Variants in PLXDC2 observed in about 807,000 individuals in gnomAD.
PLXDC2 encodes the protein plexin domain-containing protein 2.
A neutral mutation model predicts 68.9 loss-of-function variants in PLXDC2; 40 were observed. The ratio of observed to expected loss-of-function variants is 0.58; its 90% CI spans 0.45 to 0.76. The LOEUF (loss-of-function observed/expected upper bound fraction) is 0.76, where lower values mean the gene tolerates loss of function less well. PLXDC2 is among the 30% of genes least tolerant of loss of function. The pLI, the probability that PLXDC2 is intolerant of heterozygous loss-of-function variation, is 0.00. For missense variants in PLXDC2, 644 were observed against 661.9 expected, an observed-to-expected ratio of 0.97 and a Z score of 0.30; for synonymous variants, 243 against 234.2, an observed-to-expected ratio of 1.04 and a Z score of -0.34.
intron 1 of PLXDC2, among the ~76,000 whole-genome samples, chr10:19,970,473 C>T (rs895398227): frequency 6.6e-6 from 1 of 152,112 alleles, no homozygotes; most frequent in Non-Finnish European, 1.5e-5. Flanking sequence ...GAACTTAAGC[C>T]TTCTATATAT....
At chr10:19,968,918 G>C (rs1834306770) in intron 1 of PLXDC2, among the ~76,000 whole-genome samples, 1 of 152,158 alleles carries the variant, frequency 6.6e-6, no homozygotes, top group African/African-American at 2.4e-5. Flanking sequence ...GGTGGCAAAA[G>C]TTCCCTGGGG....
intron 9 of PLXDC2, among the ~76,000 whole-genome samples, chr10:20,178,999 A>G (rs1461300257): frequency 1.3e-5 from 2 of 152,168 alleles, no homozygotes; most frequent in East Asian, 1.9e-4. Flanking sequence ...CATAAAGATT[A>G]TATGCATATC....
intron 12 of PLXDC2, among the ~76,000 whole-genome samples, chr10:20,229,368 G>T (rs1470275674): frequency 6.6e-6 from 1 of 152,116 alleles, no homozygotes; most frequent in Non-Finnish European, 1.5e-5. Context: ...GCCAACTGCT[G>T]ATGTGTAAAA....
chr10:19,891,977 A>T (rs949171133), intron 1 of PLXDC2, among the ~76,000 whole-genome samples: 2 of 152,182 alleles, frequency 1.3e-5, no homozygotes, highest in Non-Finnish European at 2.9e-5. Context: ...TTGCTTATTT[A>T]TAGAAAAAAG....
At chr10:19,944,213 C>T (rs548150216) in intron 1 of PLXDC2, among the ~76,000 whole-genome samples, 16 of 152,174 alleles carry the variant, frequency 1.1e-4, no homozygotes, top group African/African-American at 3.9e-4. Flanking sequence ...AAGGTATAAT[C>T]CCACTGAGAA....
chr10:20,014,980 A>G (rs1334887697), intron 2 of PLXDC2, among the ~76,000 whole-genome samples: 1 of 152,124 alleles, frequency 6.6e-6, no homozygotes, highest in Non-Finnish European at 1.5e-5. Context: ...TTTTCTATTG[A>G]CTTTTTAAAT....
At position 19,990,961 on chromosome 10, in the gene PLXDC2, T is replaced by C. The variant is rs561494078; in HGVS notation, c.113-10814T>C. On this transcript the variant is annotated intron_variant, in intron 1 of 13. Coordinates refer to ENST00000377252, the MANE Select transcript of PLXDC2 (RefSeq NM_032812.9). ...GAGTGAAATAGTATTGAAAGTATGA[T>C]TCAGGCCGGGCATGATGGCTCATGC... Among the ~76,000 whole-genome samples the C allele has an allele frequency of 3.9e-5, 6 of 152,244 alleles. 1 individual carries two copies. Among genetic ancestry groups the C allele is most frequent in the African/African-American group, 1.4e-4 (6 of 41,552 alleles).
intron 4 of PLXDC2, among the ~76,000 whole-genome samples, chr10:20,110,346 G>C (rs1428849466): frequency 6.6e-6 from 1 of 152,150 alleles, no homozygotes; most frequent in Non-Finnish European, 1.5e-5. Context: ...GTGAATGACA[G>C]ACAGTACCAC....
intron 1 of PLXDC2, among the ~76,000 whole-genome samples, chr10:19,896,050 C>A (rs557184551): frequency 1.3e-5 from 2 of 152,318 alleles, no homozygotes; most frequent in African/African-American, 4.8e-5. Context: ...CTTTCACTTT[C>A]CTTCACTCCA....
chr10:20,119,881 T>C (rs1315814649), intron 4 of PLXDC2, among the ~76,000 whole-genome samples: 1 of 151,916 alleles, frequency 6.6e-6, no homozygotes, highest in African/African-American at 2.4e-5. Flanking sequence ...ATTGAAAAAC[T>C]AAATAGAATA....
Position 20,175,288 on chromosome 10 carries a change from G to A in PLXDC2, c.884-1711G>A, listed in dbSNP as rs569176221. 3.2e-4 allele frequency among the ~76,000 whole-genome samples: 48 copies of A among 152,226 alleles called. 1 individual carries two copies. In the South Asian group the frequency reaches 8.9e-3, roughly 28 times the overall value. The stretch of plus-strand genomic sequence containing the variant: ...GCTATTATCCCTGTTTTATAGATAA[G>A]GAAACTGAGGCACAGAAAAGCTAGC... On this transcript the variant is annotated intron_variant, in intron 7 of 13. Coordinates refer to ENST00000377252, the MANE Select transcript of PLXDC2 (RefSeq NM_032812.9).
At chr10:20,277,084 C>T (rs1319166949) in intron 13 of PLXDC2, among the ~76,000 whole-genome samples, 2 of 151,824 alleles carry the variant, frequency 1.3e-5, no homozygotes, top group African/African-American at 4.8e-5. Context: ...TGGTGGGCGG[C>T]TGTAATCCCA....
chr10:19,870,878 A>G (rs1234924417), intron 1 of PLXDC2, among the ~76,000 whole-genome samples: 1 of 152,206 alleles, frequency 6.6e-6, no homozygotes, highest in Non-Finnish European at 1.5e-5. Context: ...TTATGTGCTT[A>G]CATGCATGAT....
chr10:19,836,200 T>C (rs538937016), intron 1 of PLXDC2, among the ~76,000 whole-genome samples: 51 of 151,554 alleles, frequency 3.4e-4, no homozygotes, highest in African/African-American at 1.2e-3. Context: ...AAAAAGAGTA[T>C]GGTTGGGAAG....
intron 2 of PLXDC2, among the ~76,000 whole-genome samples, chr10:20,027,499 C>G (rs1242847035): frequency 6.6e-6 from 1 of 152,104 alleles, no homozygotes; most frequent in African/African-American, 2.4e-5. Context: ...GCCTCCAGAA[C>G]TGTGAGAAAA....
At chr10:20,038,323 C>G (rs543456145) in intron 2 of PLXDC2, among the ~76,000 whole-genome samples, 28 of 151,914 alleles carry the variant, frequency 1.8e-4, no homozygotes, top group African/African-American at 6.5e-4. Flanking sequence ...GAGGGATAGA[C>G]CATGCTGCAA....
At chr10:20,104,364 C>G (rs1281880703) in intron 4 of PLXDC2, among the ~76,000 whole-genome samples, 3 of 152,106 alleles carry the variant, frequency 2.0e-5, no homozygotes, top group Admixed American at 1.3e-4. Flanking sequence ...AATTTTAAGC[C>G]TCCTATCTTT....
intron 4 of PLXDC2, among the ~76,000 whole-genome samples, chr10:20,078,474 A>G (rs1836491009): frequency 6.6e-6 from 1 of 152,334 alleles, no homozygotes; most frequent in South Asian, 2.1e-4. Context: ...AATAAGAGTC[A>G]TGGAACATTA....
At chr10:20,208,553 CA>C (rs1310501345) in intron 9 of PLXDC2, among the ~76,000 whole-genome samples, 1 of 152,118 alleles carries the variant, frequency 6.6e-6, no homozygotes, top group African/African-American at 2.4e-5. Flanking sequence ...TGTTAACATT[CA>C]GGGGCAATGT....
Sources: allele counts gnomAD v4.1 joint callset (sites outside exome capture counted in the v4.1 genomes callset), GRCh38; gene constraint gnomAD v4.1.1; transcripts MANE v1.5; gene names NCBI Gene and HGNC (gene_info 2026-07-23, HGNC 2026-07-21).